The following CTNNA3 variants were observed in gnomAD, a reference collection of about 807,000 sequenced individuals.
The protein encoded by CTNNA3 is catenin alpha-3.
In CTNNA3, 76 loss-of-function variants were observed where a neutral mutation model predicts 95.7. The observed-to-expected ratio is 0.79, with a 90% CI of 0.66 to 0.96. The LOEUF is 0.96. Ranked by LOEUF, CTNNA3 falls within the 40% of genes least tolerant of loss-of-function variation. CTNNA3 has a pLI of 0.00. For missense variants in CTNNA3, 1,191 were observed against 1,089.8 expected (o/e 1.09, Z -1.31); for synonymous variants, 431 against 374.4 (o/e 1.15, Z -1.74).
chr10:67,147,037 C>G (rs1860882303), intron 7 of CTNNA3, among the ~76,000 whole-genome samples: 1 of 152,128 alleles, frequency 6.6e-6, no homozygotes, highest in Non-Finnish European at 1.5e-5. Context: ...AATGTTCACA[C>G]AATGACAAAA....
intron 9 of CTNNA3, among the ~76,000 whole-genome samples, chr10:66,666,803 A>G (rs539703726): frequency 3.9e-4 from 36 of 92,486 alleles, no homozygotes; most frequent in African/African-American, 1.6e-3. Context: ...GTTCTTGGGG[A>G]AAAAAAACTT....
intron 9 of CTNNA3, among the ~76,000 whole-genome samples, chr10:66,696,019 G>T (rs991897708): frequency 6.6e-6 from 1 of 151,930 alleles, no homozygotes; most frequent in Non-Finnish European, 1.5e-5. Context: ...TTAAGGAGTT[G>T]GTATGGCATT....
At chr10:67,309,949 A>G (rs1440065874) in intron 5 of CTNNA3, among the ~76,000 whole-genome samples, 1 of 152,186 alleles carries the variant, frequency 6.6e-6, no homozygotes, top group Non-Finnish European at 1.5e-5. Context: ...GTAGATATTA[A>G]AGGAGCAACT....
At chr10:66,418,507 T>C (rs527647829) in intron 11 of CTNNA3, among the ~76,000 whole-genome samples, 21 of 151,058 alleles carry the variant, frequency 1.4e-4, no homozygotes, top group Admixed American at 6.6e-4. Context: ...GATTTCTTCC[T>C]AACATATTCT....
rs149676121 is a variant in CTNNA3, at chr10:67,260,056, A to G, written c.580-40186T>C. Reference sequence around the variant, plus strand: ...CAGTACCCTAAAGAATAAACTAATCAAGTAACATGTATTTGCTCAGCTTAT... The same window carrying G: ...CAGTACCCTAAAGAATAAACTAATCGAGTAACATGTATTTGCTCAGCTTAT... On this transcript the variant is annotated intron_variant, in intron 5 of 17. Coordinates refer to ENST00000433211, the MANE Select transcript of CTNNA3 (RefSeq NM_013266.4). Among the ~76,000 whole-genome samples the G allele has an allele frequency of 6.6e-5, 10 of 152,342 alleles. No individual in the cohort carries two copies. The East Asian group carries it at 1.9e-3, about 29-fold the overall frequency.
At chr10:67,539,129 T>G (rs1270795652) in intron 4 of CTNNA3, among the ~76,000 whole-genome samples, 1 of 152,194 alleles carries the variant, frequency 6.6e-6, no homozygotes, top group African/African-American at 2.4e-5. Flanking sequence ...TTTCCAAATG[T>G]CTTCAACTTT....
chr10:67,714,793 G>A (rs887776223), intron 1 of CTNNA3, among the ~76,000 whole-genome samples: 6 of 152,144 alleles, frequency 3.9e-5, no homozygotes, highest in Admixed American at 3.9e-4. Flanking sequence ...ACTGAATCAT[G>A]GGGACAGGTC....
At chr10:67,404,089 G>C (rs981435214) in intron 5 of CTNNA3, among the ~76,000 whole-genome samples, 7 of 152,142 alleles carry the variant, frequency 4.6e-5, no homozygotes, top group Non-Finnish European at 1.0e-4. Flanking sequence ...AGCCAACAAA[G>C]ATGAGAAAGA....
At chr10:66,275,462 T>C (rs1230361983) in intron 13 of CTNNA3, among the ~76,000 whole-genome samples, 2 of 152,200 alleles carry the variant, frequency 1.3e-5, no homozygotes, top group Admixed American at 1.3e-4. Flanking sequence ...TGGGAAACAC[T>C]GTTCAGTCCT....
chr10:66,686,879 A>C (rs2132521631), intron 9 of CTNNA3, among the ~76,000 whole-genome samples: 1 of 152,274 alleles, frequency 6.6e-6, no homozygotes, highest in African/African-American at 2.4e-5. Flanking sequence ...GATTTGCTTT[A>C]GTTTGAGTTG....
At chr10:67,548,011 C>T (rs2133220413) in intron 3 of CTNNA3, among the ~76,000 whole-genome samples, 1 of 152,192 alleles carries the variant, frequency 6.6e-6, no homozygotes, top group East Asian at 1.9e-4. Context: ...GATGTTTATC[C>T]CCGCCAAATC....
At chr10:66,026,438 G>T (rs1336689141) in intron 15 of CTNNA3, among the ~76,000 whole-genome samples, 5 of 152,126 alleles carry the variant, frequency 3.3e-5, no homozygotes, top group Non-Finnish European at 7.4e-5. Context: ...GAAAAGGGAA[G>T]ATATATTTAA....
intron 7 of CTNNA3, among the ~76,000 whole-genome samples, chr10:67,026,898 A>G (rs1347161469): frequency 6.6e-6 from 1 of 152,184 alleles, no homozygotes; most frequent in East Asian, 1.9e-4. Flanking sequence ...AGAGGTTGTA[A>G]TTTAAGATCA....
At chr10:66,395,141 C>T (rs531975339) in intron 11 of CTNNA3, among the ~76,000 whole-genome samples, 16 of 152,090 alleles carry the variant, frequency 1.1e-4, no homozygotes, top group African/African-American at 3.1e-4. Context: ...AGTAGATATA[C>T]GTCTTAGGGA....
chr10:66,284,480 G>A (rs937248036), intron 12 of CTNNA3, among the ~76,000 whole-genome samples: 5 of 151,720 alleles, frequency 3.3e-5, no homozygotes, highest in Non-Finnish European at 7.4e-5. Flanking sequence ...CTCTCCTGGG[G>A]GAATTCATGA....
intron 5 of CTNNA3, among the ~76,000 whole-genome samples, chr10:67,289,335 A>G (rs559431650): frequency 5.9e-5 from 9 of 152,294 alleles, no homozygotes; most frequent in Middle Eastern, 3.4e-3. Flanking sequence ...TTTAAAGTAC[A>G]TCAAACATCG....
chr10:66,069,637 G>T, intron 14 of CTNNA3, 148 bp from the exon 15 acceptor site: 1 of 551,784 alleles, frequency 1.8e-6, no homozygotes. Flanking sequence ...AAACTTTCCA[G>T]GCTTAATATT....
intron 13 of CTNNA3, among the ~76,000 whole-genome samples, chr10:66,241,909 C>T (rs1191177246): frequency 6.6e-6 from 1 of 151,966 alleles, no homozygotes; most frequent in East Asian, 1.9e-4. Context: ...AAACAAAATA[C>T]AGGAGAATAC....
At chr10:67,384,124 A>G (rs1171086645) in intron 5 of CTNNA3, among the ~76,000 whole-genome samples, 1 of 152,224 alleles carries the variant, frequency 6.6e-6, no homozygotes, top group African/African-American at 2.4e-5. Context: ...CAGAAAGGAT[A>G]TAAAGTGTTT....
Sources: allele counts gnomAD v4.1 joint callset (sites outside exome capture counted in the v4.1 genomes callset), GRCh38; gene constraint gnomAD v4.1.1; transcripts MANE v1.5; gene names NCBI Gene and HGNC (gene_info 2026-07-23, HGNC 2026-07-21).